The following NUP98 variants were observed in gnomAD, a reference collection of about 807,000 sequenced individuals.
NUP98 encodes nucleoporin 98 and 96 precursor, also known as nuclear pore complex protein Nup98-Nup96.
In NUP98, 26 loss-of-function variants were observed where a neutral mutation model predicts 191.9. The ratio of observed to expected loss-of-function variants is 0.14; its 90% CI spans 0.10 to 0.19. The LOEUF (loss-of-function observed/expected upper bound fraction) is 0.19, where lower values mean the gene tolerates loss of function less well. Ranked by LOEUF, NUP98 falls within the 10% of genes least tolerant of loss-of-function variation. NUP98 has a pLI of 1.00. For missense variants in NUP98, 1,941 were observed against 2,178.8 expected, an observed-to-expected ratio of 0.89 and a Z score of 2.17; for synonymous variants, 808 against 778.4, an observed-to-expected ratio of 1.04 and a Z score of -0.63.
intron 1 of NUP98, among the ~76,000 whole-genome samples, chr11:3,784,783 C>A (rs976755372): frequency 6.6e-6 from 1 of 151,458 alleles, no homozygotes; most frequent in African/African-American, 2.4e-5. Context: ...AAATATTGAA[C>A]AAAAATGTCT....
At position 3,724,767 on chromosome 11, in the gene NUP98, T is replaced by C. The variant is rs1256620258; in HGVS notation, c.1847+336A>G. 1.6e-4 allele frequency among the ~76,000 whole-genome samples: 9 copies of C among 55,086 alleles called. No homozygotes were observed. The East Asian group carries it at 2.3e-3, about 14-fold the overall frequency. The allele number at this position is 55,086 out of a possible 152,430, so 36.1% of individuals were successfully genotyped here. On this transcript the variant is annotated intron_variant, in intron 15 of 32. Coordinates refer to ENST00000324932, the MANE Select transcript of NUP98 (RefSeq NM_016320.5). ...CTGCACTCCAGCCTGGGCGACAGAG[T>C]GAGACTCTGTCTCAAAAAAAAAAAA... is the stretch of plus-strand genomic sequence containing the variant.
At chr11:3,726,920 T>A (rs939270313) in intron 14 of NUP98, among the ~76,000 whole-genome samples, 1 of 152,086 alleles carries the variant, frequency 6.6e-6, no homozygotes, top group Non-Finnish European at 1.5e-5. Context: ...TGCCATCATG[T>A]CTGGCTAATT....
chr11:3,720,965 G>A (rs1002291594), intron 16 of NUP98, 140 bp from the exon 17 acceptor site: 10 of 458,188 alleles, frequency 2.2e-5, no homozygotes, highest in Non-Finnish European at 3.8e-5. Flanking sequence ...CCTAGGAGAA[G>A]GGGTGTGTGA....
intron 20 of NUP98, among the ~76,000 whole-genome samples, chr11:3,707,071 C>T (rs558102230): frequency 6.6e-6 from 1 of 152,238 alleles, no homozygotes; most frequent in Admixed American, 6.5e-5. Flanking sequence ...TTCTTAAAAA[C>T]ATTTAGAAAT....
At chr11:3,695,279 G>A (rs2078464861) in intron 26 of NUP98, among the ~76,000 whole-genome samples, 170 bp downstream of exon 26, 1 of 152,176 alleles carries the variant, frequency 6.6e-6, no homozygotes, top group South Asian at 2.1e-4. Context: ...TATACAACTA[G>A]ATTTTTAAAA....
intron 10 of NUP98, 131 bp from the exon 11 acceptor site, chr11:3,753,539 T>C: frequency 1.6e-6 from 1 of 638,200 alleles, no homozygotes; most frequent in East Asian, 2.8e-5. Context: ...ACTCCTAACT[T>C]GTAGGATAAC....
At chr11:3,777,067 T>C (rs1209896547) in intron 4 of NUP98, among the ~76,000 whole-genome samples, 1 of 152,172 alleles carries the variant, frequency 6.6e-6, no homozygotes, top group Non-Finnish European at 1.5e-5. Flanking sequence ...TTATAACATA[T>C]ACCTACACAT....
intron 12 of NUP98, among the ~76,000 whole-genome samples, chr11:3,742,847 A>C (rs557663569): frequency 1.7e-4 from 26 of 152,314 alleles, no homozygotes; most frequent in African/African-American, 4.8e-4. Context: ...TACGCAGCTT[A>C]AATTTGCAAA....
At chr11:3,790,563 T>C (rs7927587) in intron 1 of NUP98, among the ~76,000 whole-genome samples, 96,157 of 152,044 alleles carry the variant, frequency 0.63, 31,588 homozygotes, top group African/African-American at 0.83. Flanking sequence ...TCTGTGCTGA[T>C]GTGCAAAATC....
chr11:3,773,567 T>C, intron 6 of NUP98, 65 bp downstream of exon 6: 2 of 1,052,472 alleles, frequency 1.9e-6, no homozygotes, highest in Non-Finnish European at 2.8e-6. Context: ...CAAAACCATT[T>C]TTAAAAGCTG....
In NUP98 at chr11:3,771,904, C is replaced by T; in HGVS notation, c.628G>A (p.Ala210Thr). The stretch of plus-strand genomic sequence containing the variant: ...TGGTTCTGTGGGCCCTTCCTGTTAG[C>T]CTGATAATCCTCTAAACGAAGTTCC... ...LEELRLEDYQ[A>T]NRKGPQNQVG... The change falls in exon 7 of 33, where the codon GCT becomes ACT. Residue 210 changes from alanine (A) to threonine (T), a missense_variant. Ala to Thr is a moderately conservative substitution (Grantham distance 58). Around this residue, in one of 6 missense-constraint regions of NUP98, gnomAD observed 28 missense variants for 74.0 expected, o/e 0.38. Transcript: ENST00000324932. 6.2e-7 allele frequency: 1 copy of T among 1,613,912 alleles called. No homozygotes were observed. Among genetic ancestry groups the T allele is most frequent in the Non-Finnish European group, 8.5e-7 (1 of 1,179,938 alleles).
chr11:3,738,047 C>CATCGTTTAACAA (rs1398492713), intron 12 of NUP98, among the ~76,000 whole-genome samples: 1 of 137,864 alleles, frequency 7.3e-6, no homozygotes, highest in East Asian at 2.1e-4. Flanking sequence ...TAGTTGATCC[C>CATCGTTTAACAA]ATCGTTTAAC....
chr11:3,745,681 T>C (rs2080464145), intron 11 of NUP98, among the ~76,000 whole-genome samples: 2 of 152,268 alleles, frequency 1.3e-5, no homozygotes, highest in South Asian at 2.1e-4. Context: ...GGCTGAGTCC[T>C]GGGCGAAAGT....
chr11:3,767,150 A>G (rs1274299663), intron 8 of NUP98, among the ~76,000 whole-genome samples: 1 of 151,918 alleles, frequency 6.6e-6, no homozygotes, highest in Non-Finnish European at 1.5e-5. Flanking sequence ...TTTGGTAGAG[A>G]CGGGGTTTCA....
intron 10 of NUP98, among the ~76,000 whole-genome samples, chr11:3,759,038 T>C (rs528336420): frequency 1.1e-4 from 16 of 152,306 alleles, no homozygotes; most frequent in East Asian, 3.9e-4. Context: ...AATCTTCCAA[T>C]AGATGTTTAA....
rs532769506 is a variant in NUP98 at position 3,761,609 on chromosome 11, A to C, written c.1087-983T>G. On this transcript the variant is annotated intron_variant, in intron 9 of 32. Transcript: ENST00000324932. Reference sequence around the variant, plus strand: ...CCCATTCTCTACTAAAAATACAAAAATCAGCTGGGCGCAGTGGCGGGCGCC... The same window carrying C: ...CCCATTCTCTACTAAAAATACAAAACTCAGCTGGGCGCAGTGGCGGGCGCC... Among the ~76,000 whole-genome samples the C allele has an allele frequency of 2.0e-5, 3 of 152,234 alleles. No homozygotes were observed. The South Asian group carries it at 6.2e-4, about 32-fold the overall frequency.
intron 13 of NUP98, among the ~76,000 whole-genome samples, chr11:3,733,976 A>C (rs1361413888): frequency 2.0e-5 from 3 of 152,140 alleles, no homozygotes; most frequent in Non-Finnish European, 4.4e-5. Context: ...TTTCATATTC[A>C]TATCTTGCTT....
intron 7 of NUP98, among the ~76,000 whole-genome samples, chr11:3,771,386 C>T (rs2081526814): frequency 1.3e-5 from 2 of 152,042 alleles, no homozygotes; most frequent in South Asian, 2.1e-4. Flanking sequence ...AAATATGGCC[C>T]CTATATCCCC....
At position 3,778,968 on chromosome 11, in the gene NUP98, G is replaced by C; in HGVS notation, c.260C>G (p.Thr87Arg). Residue 87 changes from threonine to arginine, a missense_variant, in exon 4 of 33, where the codon ACA (threonine) becomes AGA (arginine). Thr to Arg is a moderately conservative substitution (Grantham distance 71). Around this residue, in one of 6 missense-constraint regions of NUP98, gnomAD observed 154 missense variants for 182.9 expected, o/e 0.84. Transcript: ENST00000324932. ...TGFGFGTSTG[T>R]ANTLFGTAST... The stretch of plus-strand genomic sequence containing the variant: ...TGCAGTTCCAAACAAGGTATTTGCT[G>C]TTCCTGTTGACGTACCAAACCCAAA... 1 of 1,614,224 alleles carries C rather than the reference G, an allele frequency of 6.2e-7. No homozygotes were observed. The highest frequency in any genetic ancestry group is 8.5e-7 in the Non-Finnish European group (1 of 1,180,038).
Sources: gnomAD v4.1 joint callset for allele counts (sites outside exome capture counted in the v4.1 genomes callset) on GRCh38, gnomAD v4.1.1 for gene constraint, gnomAD v4.1.1 regional missense constraint, MANE v1.5 for transcripts, NCBI Gene and HGNC (gene_info 2026-07-23, HGNC 2026-07-21) for gene names.